Variants in CENPP observed in about 807,000 individuals in gnomAD.
The protein encoded by CENPP is centromere protein P.
Under a neutral mutation model 35.6 loss-of-function variants are expected in CENPP, and 24 were observed. The observed-to-expected ratio is 0.67, with a 90% CI of 0.49 to 0.95. The LOEUF is 0.95. Ranked by LOEUF, CENPP falls within the 40% of genes least tolerant of loss-of-function variation. The probability of loss-of-function intolerance (pLI) is 0.00; values close to 1 mark genes in which losing one functional copy is unlikely to be tolerated. For synonymous variants in CENPP, 120 were observed against 125.5 expected (o/e 0.96, Z 0.29); for missense variants, 332 against 345.3 (o/e 0.96, Z 0.31).
At chr9:92,506,115 A>G (rs1846994034) in intron 5 of CENPP, among the ~76,000 whole-genome samples, 1 of 152,226 alleles carries the variant, frequency 6.6e-6, no homozygotes, top group Admixed American at 6.5e-5. Flanking sequence ...ACATAGATGT[A>G]TGAAGTGGCA....
chr9:92,393,412 A>T (rs963135562), intron 5 of CENPP, among the ~76,000 whole-genome samples: 3 of 152,220 alleles, frequency 2.0e-5, no homozygotes, highest in Non-Finnish European at 4.4e-5. Flanking sequence ...GTGCTTGATA[A>T]TTCACCAGAA....
chr9:92,514,648 G>A, intron 5 of CENPP: 1 of 1,586,300 alleles, frequency 6.3e-7, no homozygotes, highest in East Asian at 2.3e-5. Flanking sequence ...CTCCAGACTT[G>A]TTATCTGTGG....
chr9:92,559,466 G>T (rs576191168), intron 5 of CENPP, among the ~76,000 whole-genome samples: 1 of 152,310 alleles, frequency 6.6e-6, no homozygotes, highest in South Asian at 2.1e-4. Flanking sequence ...ACTCACAGTA[G>T]TTGGGGTGCC....
intron 5 of CENPP, among the ~76,000 whole-genome samples, chr9:92,408,158 G>A (rs1843356317): frequency 6.6e-6 from 1 of 152,090 alleles, no homozygotes; most frequent in East Asian, 1.9e-4. Context: ...GTTTGGTTTA[G>A]GAGTCAAAAC....
At chr9:92,580,942 G>A (rs997978721) in intron 5 of CENPP, among the ~76,000 whole-genome samples, 2 of 152,136 alleles carry the variant, frequency 1.3e-5, no homozygotes, top group Non-Finnish European at 2.9e-5. Flanking sequence ...GGCATTTAGT[G>A]CTATAAATTT....
At chr9:92,334,380 A>G (rs773612841) in intron 2 of CENPP, among the ~76,000 whole-genome samples, 3 of 152,132 alleles carry the variant, frequency 2.0e-5, no homozygotes, top group South Asian at 2.1e-4. Flanking sequence ...CGGTCTCCCA[A>G]AGTGCTGGGA....
chr9:92,375,872 A>C (rs887663971), intron 4 of CENPP, among the ~76,000 whole-genome samples: 17 of 144,734 alleles, frequency 1.2e-4, no homozygotes, highest in Non-Finnish European at 6.0e-5. Flanking sequence ...TTTTTTTCCT[A>C]TGACTGGGCC....
chr9:92,510,365 A>C (rs541649385), intron 5 of CENPP, among the ~76,000 whole-genome samples: 1 of 152,380 alleles, frequency 6.6e-6, no homozygotes, highest in South Asian at 2.1e-4. Context: ...CCACCTTTAC[A>C]GCAATAGACA....
rs763353154 is a variant in CENPP, at chr9:92,494,149, G to A, written c.564+114290G>A. On this transcript the variant is annotated intron_variant, in intron 5 of 7. Coordinates refer to ENST00000375587, the MANE Select transcript of CENPP (RefSeq NM_001012267.3). ...TCTCTAGAACAGCATCTGAAACACA[G>A]CTGAATAAAGTCAGAGTAAGAAATG... is the stretch of plus-strand genomic sequence containing the variant. 5 of 1,597,094 alleles carry A rather than the reference G, an allele frequency of 3.1e-6. No individual in the cohort carries two copies. The East Asian group carries it at 1.1e-4, about 36-fold the overall frequency.
intron 5 of CENPP, among the ~76,000 whole-genome samples, chr9:92,487,844 A>C (rs1243237326): frequency 6.6e-6 from 1 of 152,220 alleles, no homozygotes; most frequent in Admixed American, 6.5e-5. Context: ...CAAAAAATAA[A>C]TAAACATATA....
intron 5 of CENPP, chr9:92,514,776 T>C (rs1588210545): frequency 6.2e-7 from 1 of 1,614,008 alleles, no homozygotes; most frequent in East Asian, 2.2e-5. Flanking sequence ...GAAGCGGGGA[T>C]CGAGAGGGCA....
chr9:92,511,905 A>G, intron 5 of CENPP: 1 of 745,078 alleles, frequency 1.3e-6, no homozygotes, highest in East Asian at 2.7e-5. Context: ...TTAGAAGAAG[A>G]CTACCAATTA....
chr9:92,608,382 C>A (rs17462606), intron 5 of CENPP, among the ~76,000 whole-genome samples: 1 of 152,292 alleles, frequency 6.6e-6, no homozygotes, highest in African/African-American at 2.4e-5. Context: ...CGAAAATATA[C>A]GGTACATACC....
intron 5 of CENPP, among the ~76,000 whole-genome samples, chr9:92,552,220 A>C (rs1206945238): frequency 2.2e-5 from 3 of 136,414 alleles, no homozygotes; most frequent in African/African-American, 8.6e-5. Flanking sequence ...CACACACCCC[A>C]CAGTTTCTTT....
chr9:92,605,839 C>T (rs959192058), intron 5 of CENPP, among the ~76,000 whole-genome samples: 2 of 152,086 alleles, frequency 1.3e-5, no homozygotes, highest in African/African-American at 4.8e-5. Flanking sequence ...ACTTCAAGTA[C>T]ATTAAAGAAG....
Position 92,469,598 on chromosome 9 carries a change from A to G in CENPP, c.564+89739A>G, listed in dbSNP as rs117505250. Among the ~76,000 whole-genome samples the G allele has an allele frequency of 9.9e-5, 15 of 152,240 alleles. No individual in the cohort carries two copies. The East Asian group carries it at 1.7e-3, about 18-fold the overall frequency. The stretch of plus-strand genomic sequence containing the variant: ...TTTTCTACCCTGTTCTCTTAGTTTT[A>G]TCTTATCTAGAGATGACAGACTTTA... On this transcript the variant is annotated intron_variant, in intron 5 of 7. Coordinates refer to ENST00000375587, the MANE Select transcript of CENPP (RefSeq NM_001012267.3).
chr9:92,582,837 TC>T, intron 5 of CENPP, among the ~76,000 whole-genome samples: 1 of 152,228 alleles, frequency 6.6e-6, no homozygotes, highest in Admixed American at 6.5e-5. Flanking sequence ...GTAGAACGAC[TC>T]CCTAGGGCCT....
rs113363944 is a variant in CENPP, at chr9:92,421,401, G to T, written c.564+41542G>T. Among the ~76,000 whole-genome samples the T allele has an allele frequency of 1.1e-3, 163 of 152,308 alleles. 1 individual carries two copies. The highest frequency in any genetic ancestry group is 3.7e-3 in the African/African-American group (154 of 41,568). ...TCTGGGAATGAATGCCTAATTTAAT[G>T]AATTAACATATTTGGGCTGTGATTT... On this transcript the variant is annotated intron_variant, in intron 5 of 7. Coordinates refer to ENST00000375587, the MANE Select transcript of CENPP (RefSeq NM_001012267.3).
chr9:92,571,291 A>T (rs948378633), intron 5 of CENPP, among the ~76,000 whole-genome samples: 11 of 152,032 alleles, frequency 7.2e-5, no homozygotes, highest in African/African-American at 2.4e-4. Context: ...CTTTGTTCTC[A>T]TTGGTTTCAA....
Sources: allele counts gnomAD v4.1 joint callset (sites outside exome capture counted in the v4.1 genomes callset), GRCh38; gene constraint gnomAD v4.1.1; transcripts MANE v1.5; gene names NCBI Gene and HGNC (gene_info 2026-07-23, HGNC 2026-07-21).